Variants in PTPRD observed in about 807,000 individuals in gnomAD.
PTPRD encodes protein tyrosine phosphatase receptor type D, also known as receptor-type tyrosine-protein phosphatase delta.
Under a neutral mutation model 214.5 loss-of-function variants are expected in PTPRD, and 34 were observed. The observed-to-expected ratio is 0.16, with a 90% CI of 0.12 to 0.21. The LOEUF is 0.21. Among genes scored for constraint, PTPRD ranks in the 10% least tolerant of loss-of-function variants. The probability of loss-of-function intolerance (pLI) is 1.00; values close to 1 mark genes in which losing one functional copy is unlikely to be tolerated. For synonymous variants in PTPRD, 1,128 were observed against 845.7 expected, an observed-to-expected ratio of 1.33 and a Z score of -5.79; for missense variants, 2,545 against 2,398.7, an observed-to-expected ratio of 1.06 and a Z score of -1.27.
chr9:9,695,172 C>T (rs771201695), intron 7 of PTPRD, among the ~76,000 whole-genome samples: 5 of 152,050 alleles, frequency 3.3e-5, no homozygotes, highest in Admixed American at 6.6e-5. Flanking sequence ...AGTCAGAAGT[C>T]GATGAATCTT....
intron 10 of PTPRD, among the ~76,000 whole-genome samples, chr9:9,150,594 T>C (rs148134295): frequency 6.6e-6 from 1 of 151,586 alleles, no homozygotes; most frequent in East Asian, 1.9e-4. Flanking sequence ...TTCAAGTGAT[T>C]CTCCTGCCTC....
chr9:10,603,449 C>T (rs1573017), intron 2 of PTPRD, among the ~76,000 whole-genome samples: 47,724 of 151,722 alleles, frequency 0.31, 8,073 homozygotes, highest in East Asian at 0.49. Flanking sequence ...AAAGCAGATC[C>T]ACAATCTCAC....
chr9:9,125,065 T>C (rs2099826584), intron 10 of PTPRD, among the ~76,000 whole-genome samples: 1 of 152,150 alleles, frequency 6.6e-6, no homozygotes, highest in African/African-American at 2.4e-5. Context: ...GTATGCTCCC[T>C]TAAGCTTCTC....
intron 3 of PTPRD, among the ~76,000 whole-genome samples, chr9:10,253,786 C>A (rs1265838005): frequency 1.3e-5 from 2 of 152,054 alleles, no homozygotes; most frequent in African/African-American, 4.8e-5. Context: ...TTGCAATAGG[C>A]AAACTCTAAT....
At chr9:9,217,312 G>A (rs2099952956) in intron 9 of PTPRD, among the ~76,000 whole-genome samples, 1 of 152,118 alleles carries the variant, frequency 6.6e-6, no homozygotes, top group East Asian at 1.9e-4. Context: ...TACTTAAGAA[G>A]CCTGCGTGGC....
rs116492874 is a variant in PTPRD at position 8,397,890 on chromosome 9, C to G, written c.4210+6647G>C. Among the ~76,000 whole-genome samples, 550 of 152,094 alleles carry G rather than the reference C, an allele frequency of 3.6e-3. 5 individuals are homozygous for G. Among genetic ancestry groups the G allele is most frequent in the African/African-American group, 0.013 (521 of 41,482 alleles). ...TTTATGCTTGGATTTTTTTGAATTG[C>G]TCCTGTTTTGCAAATCAAACAGCAG... On this transcript the variant is annotated intron_variant, in intron 36 of 45. Coordinates refer to ENST00000381196, the MANE Select transcript of PTPRD (RefSeq NM_002839.4).
intron 10 of PTPRD, among the ~76,000 whole-genome samples, chr9:9,134,828 C>T (rs1201394478): frequency 6.8e-6 from 1 of 146,148 alleles, no homozygotes; most frequent in Non-Finnish European, 1.5e-5. Flanking sequence ...TGTGTGTTTT[C>T]ACTCTATATT....
At chr9:9,865,925 A>G (rs898933650) in intron 5 of PTPRD, among the ~76,000 whole-genome samples, 1 of 152,154 alleles carries the variant, frequency 6.6e-6, no homozygotes, top group Admixed American at 6.5e-5. Flanking sequence ...CACAGACTGA[A>G]GACAGCGTCC....
intron 2 of PTPRD, among the ~76,000 whole-genome samples, chr9:10,459,614 C>G (rs1278952049): frequency 6.6e-6 from 1 of 151,986 alleles, no homozygotes; most frequent in African/African-American, 2.4e-5. Context: ...GAGATGGTAT[C>G]TCACTGTGGT....
chr9:10,449,484 C>CGCTGCCCAGCCACCCAG (rs1566111047), intron 2 of PTPRD, among the ~76,000 whole-genome samples: 25 of 149,080 alleles, frequency 1.7e-4, no homozygotes, highest in African/African-American at 6.2e-4. Context: ...TGAGGAGCCT[C>CGCTGCCCAGCCACCCAG]TCTGCCTGGC....
At chr9:9,380,584 G>A (rs1366702425) in intron 9 of PTPRD, among the ~76,000 whole-genome samples, 8 of 152,118 alleles carry the variant, frequency 5.3e-5, no homozygotes, top group South Asian at 2.1e-4. Flanking sequence ...GTTTGTTCAC[G>A]TGTGTTTCAC....
At chr9:9,170,766 A>G (rs1592845211) in intron 10 of PTPRD, among the ~76,000 whole-genome samples, 1 of 152,220 alleles carries the variant, frequency 6.6e-6, no homozygotes, top group East Asian at 1.9e-4. Context: ...ACCTAGAGAA[A>G]CAAGTAGGAA....
chr9:9,845,044 A>T lies in PTPRD; in HGVS notation c.-367-78193T>A, dbSNP rs1452386429. Among the ~76,000 whole-genome samples the T allele has an allele frequency of 7.8e-5, 10 of 127,474 alleles. 1 individual carries two copies. The highest frequency in any genetic ancestry group is 2.1e-4 in the East Asian group (1 of 4,748). The allele number at this position is 127,474 out of a possible 152,430, so 83.6% of individuals were successfully genotyped here. On this transcript the variant is annotated intron_variant, in intron 5 of 45. Transcript: ENST00000381196. ...TATATATATACTGCTATATATATAT[A>T]GCTATATATAGAGCAATATATATAT...
chr9:8,778,925 C>T (rs766356975), intron 11 of PTPRD, among the ~76,000 whole-genome samples: 2 of 152,048 alleles, frequency 1.3e-5, no homozygotes, highest in Non-Finnish European at 2.9e-5. Flanking sequence ...ATTACCACCA[C>T]CAAGAAAATT....
chr9:10,300,168 A>C (rs567494317), intron 3 of PTPRD, among the ~76,000 whole-genome samples: 1 of 152,314 alleles, frequency 6.6e-6, no homozygotes, highest in African/African-American at 2.4e-5. Flanking sequence ...ACAACAAAAA[A>C]GTAAAATTCA....
intron 3 of PTPRD, among the ~76,000 whole-genome samples, chr9:10,253,057 A>T (rs148451235): frequency 0.01 from 1,550 of 152,290 alleles, 28 homozygotes; most frequent in African/African-American, 0.035. Context: ...TGCTGGGATT[A>T]GAGGTATGAG....
intron 8 of PTPRD, among the ~76,000 whole-genome samples, chr9:9,563,575 G>GA (rs904774912): frequency 4.3e-4 from 66 of 152,088 alleles, no homozygotes; most frequent in African/African-American, 1.6e-3. Flanking sequence ...AGCATAGTAA[G>GA]AAAAATAAGG....
intron 35 of PTPRD, among the ~76,000 whole-genome samples, chr9:8,411,385 C>A: frequency 6.6e-6 from 1 of 151,918 alleles, no homozygotes; most frequent in African/African-American, 2.4e-5. Flanking sequence ...CTCACTGCAA[C>A]CTCTGCCTCC....
chr9:9,913,057 T>A (rs1354632333), intron 5 of PTPRD, among the ~76,000 whole-genome samples: 1 of 152,152 alleles, frequency 6.6e-6, no homozygotes, highest in Non-Finnish European at 1.5e-5. Context: ...TTTTATAAGA[T>A]CATACAAATA....
Sources: gnomAD v4.1 joint callset for allele counts (sites outside exome capture counted in the v4.1 genomes callset) on GRCh38, gnomAD v4.1.1 for gene constraint, MANE v1.5 for transcripts, NCBI Gene and HGNC (gene_info 2026-07-23, HGNC 2026-07-21) for gene names.